CSMD2: variants seen among roughly 807,000 people sequenced by gnomAD.
The protein encoded by CSMD2 is CUB and sushi domain-containing protein 2.
Under a neutral mutation model 398.5 loss-of-function variants are expected in CSMD2, and 130 were observed. The observed-to-expected ratio is 0.33, with a 90% CI of 0.28 to 0.38. The LOEUF is 0.38. Among genes scored for constraint, CSMD2 ranks in the 10% least tolerant of loss-of-function variants. The probability of loss-of-function intolerance (pLI) is 1.00; values close to 1 mark genes in which losing one functional copy is unlikely to be tolerated. For synonymous variants in CSMD2, 1,828 were observed against 1,908.5 expected (o/e 0.96, Z 1.10); for missense variants, 3,829 against 4,764.9 (o/e 0.80, Z 5.78).
chr1:33,697,694 C>T (rs1337344223), intron 24 of CSMD2, among the ~76,000 whole-genome samples: 1 of 152,238 alleles, frequency 6.6e-6, no homozygotes, highest in African/African-American at 2.4e-5. Context: ...CCATGCAAAA[C>T]ATTCTCATAT....
chr1:34,120,692 C>T lies in CSMD2; in HGVS notation c.188-31499G>A, dbSNP rs190099262. Reference sequence around the variant, plus strand: ...CCCAAGTAGCTGGGATTACAGGTGCCTGCCACCATGCCCGGCTAATTTTTG... The same window carrying T: ...CCCAAGTAGCTGGGATTACAGGTGCTTGCCACCATGCCCGGCTAATTTTTG... On this transcript the variant is annotated intron_variant, in intron 1 of 70. Coordinates refer to ENST00000373381, the MANE Select transcript of CSMD2 (RefSeq NM_001281956.2). Among the ~76,000 whole-genome samples, 556 of 152,186 alleles carry T rather than the reference C, an allele frequency of 3.7e-3. 5 individuals are homozygous for T. Among genetic ancestry groups the T allele is most frequent in the African/African-American group, 0.013 (533 of 41,524 alleles).
Position 33,633,641 on chromosome 1 carries a change from T to A in CSMD2, c.5087-106A>T. The A allele has an allele frequency of 1.2e-6, 1 of 805,694 alleles. No homozygotes were observed. The highest frequency in any genetic ancestry group is 2.1e-6 in the Non-Finnish European group (1 of 483,276). The allele number at this position is 805,694 out of a possible 1,614,324, so 49.9% of individuals were successfully genotyped here. A position where few individuals can be genotyped will look rare whatever the true frequency, so the allele number is the denominator to read the frequency against. The stretch of plus-strand genomic sequence containing the variant: ...CAGGAGGAGGGCAGCCCTGGGGAAG[T>A]TGTTGGTTCCTGGGCTGTGGCTTGC... On this transcript the variant is annotated intron_variant, in intron 31 of 70. Transcript: ENST00000373381. The surrounding 1 kb of genome is among the most constrained non-coding windows in gnomAD (Gnocchi z 5.0).
intron 2 of CSMD2, among the ~76,000 whole-genome samples, chr1:34,059,597 T>C (rs765445126): frequency 3.9e-5 from 6 of 152,182 alleles, no homozygotes; most frequent in Admixed American, 1.3e-4. Flanking sequence ...CCCACTGTTT[T>C]TGCGATGCCT....
intron 2 of CSMD2, among the ~76,000 whole-genome samples, chr1:34,044,980 C>T (rs1652313357): frequency 6.6e-6 from 1 of 151,812 alleles, no homozygotes; most frequent in Non-Finnish European, 1.5e-5. Flanking sequence ...ACTATCATTA[C>T]AGGCATCATC....
At chr1:33,602,980 C>T (rs1376298477) in intron 42 of CSMD2, among the ~76,000 whole-genome samples, 1 of 152,162 alleles carries the variant, frequency 6.6e-6, no homozygotes, top group South Asian at 2.1e-4. Context: ...TAGAGTGGTA[C>T]TTGTGGTCTA....
At position 33,636,337 on chromosome 1, in the gene CSMD2, T is replaced by C; in HGVS notation, c.4969+23A>G. ...GCATGCCCTCAGTTCCTCAGACCCC[T>C]GCCATCCCCAGGCTTCCACCACCTG... On this transcript the variant is annotated intron_variant, in intron 30 of 70. Coordinates refer to ENST00000373381, the MANE Select transcript of CSMD2 (RefSeq NM_001281956.2). The surrounding 1 kb of genome is among the most constrained non-coding windows in gnomAD (Gnocchi z 4.8). 1 of 1,565,996 alleles carries C rather than the reference T, an allele frequency of 6.4e-7. No individual in the cohort carries two copies. Among genetic ancestry groups the C allele is most frequent in the Non-Finnish European group, 8.7e-7 (1 of 1,153,506 alleles).
intron 5 of CSMD2, among the ~76,000 whole-genome samples, chr1:33,906,997 G>A (rs1169610281): frequency 6.6e-6 from 1 of 151,972 alleles, no homozygotes; most frequent in Admixed American, 6.6e-5. Context: ...GACTGACAGT[G>A]TAAAGTAATG....
chr1:33,735,988 T>C (rs1040908406), intron 15 of CSMD2, among the ~76,000 whole-genome samples: 1 of 152,168 alleles, frequency 6.6e-6, no homozygotes, highest in African/African-American at 2.4e-5. Flanking sequence ...TCAGCCACCC[T>C]AAGTGGCATC....
intron 5 of CSMD2, chr1:33,885,353 G>A (rs557068678): frequency 1.3e-5 from 2 of 152,100 alleles, no homozygotes; most frequent in Non-Finnish European, 2.9e-5. Flanking sequence ...TTATGGAGGA[G>A]GCAATGCAAT....
At chr1:33,992,667 G>T (rs1185692641) in intron 3 of CSMD2, among the ~76,000 whole-genome samples, 2 of 151,470 alleles carry the variant, frequency 1.3e-5, no homozygotes, top group Non-Finnish European at 2.9e-5. Flanking sequence ...AGGAGATCGA[G>T]ACCATCCTGG....
At chr1:33,949,716 A>G (rs1644945304) in intron 3 of CSMD2, among the ~76,000 whole-genome samples, 1 of 152,114 alleles carries the variant, frequency 6.6e-6, no homozygotes. Context: ...AGAAGGAAGG[A>G]TGTTCCAGAG....
chr1:33,708,994 G>C, intron 22 of CSMD2, 95 bp downstream of exon 22: 1 of 1,163,690 alleles, frequency 8.6e-7, no homozygotes, highest in Non-Finnish European at 1.2e-6. Context: ...GAAGGAAGGA[G>C]AAAGTTTGGA....
In CSMD2 at chr1:33,995,258, C is replaced by T. The variant is rs540715854; in HGVS notation, c.517+37336G>A. Among the ~76,000 whole-genome samples, 14 of 152,270 alleles carry T rather than the reference C, an allele frequency of 9.2e-5. 1 individual carries two copies. Among genetic ancestry groups the T allele is most frequent in the South Asian group, 2.1e-4 (1 of 4,820 alleles). On this transcript the variant is annotated intron_variant, in intron 3 of 70. Coordinates refer to ENST00000373381, the MANE Select transcript of CSMD2 (RefSeq NM_001281956.2). ...CACACTTGGACGACTCTGCTGTCTT[C>T]GCTTCTCACAAAATGACAAGTCCCA...
At chr1:33,621,239 G>A (rs973733135) in intron 37 of CSMD2, among the ~76,000 whole-genome samples, 1 of 152,204 alleles carries the variant, frequency 6.6e-6, no homozygotes, top group African/African-American at 2.4e-5. Context: ...CAGGGGCCTT[G>A]TCTTATTGAC....
At chr1:33,788,319 C>T (rs1457035951) in intron 12 of CSMD2, among the ~76,000 whole-genome samples, 4 of 151,804 alleles carry the variant, frequency 2.6e-5, no homozygotes, top group African/African-American at 9.7e-5. Context: ...ATCAGCTTGG[C>T]CAACATGGTG....
rs143644112 is a variant in CSMD2, at chr1:33,787,415, G to A, written c.1663+1185C>T. 3.7e-3 allele frequency among the ~76,000 whole-genome samples: 567 copies of A among 152,248 alleles called. 3 individuals are homozygous for A. Among genetic ancestry groups the A allele is most frequent in the African/African-American group, 0.011 (457 of 41,546 alleles). ...CACACTGAAGGGACACCTTCTCCCC[G>A]CTCCCTGGGCCTGTCTCCCTAGTAG... On this transcript the variant is annotated intron_variant, in intron 12 of 70. Transcript: ENST00000373381.
Position 33,725,438 on chromosome 1 carries a change from T to C in CSMD2, c.2606A>G (p.Gln869Arg). Reference protein sequence around the residue: ...IGVYHGTQVPQFLISTSNYLY... With the variant: ...IGVYHGTQVPRFLISTSNYLY... ...GTAGTTGCTGGTGCTGATGAGGAACTGGGGAACCTGGGTCCCGTGGTAAAC... is the reference window on the plus strand; with the variant it reads ...GTAGTTGCTGGTGCTGATGAGGAACCGGGGAACCTGGGTCCCGTGGTAAAC... The change falls in exon 17 of 71, where the codon CAG (glutamine) becomes CGG (arginine). Residue 869 changes from glutamine to arginine, a missense_variant. This residue lies in a region of CSMD2 where 2,001 missense variants were observed against 2,567.1 expected (regional missense o/e 0.78). Transcript: ENST00000373381. The C allele has an allele frequency of 6.2e-7, 1 of 1,614,172 alleles. No individual in the cohort carries two copies. The highest frequency in any genetic ancestry group is 8.5e-7 in the Non-Finnish European group (1 of 1,180,000).
chr1:33,930,373 C>T lies in CSMD2; in HGVS notation c.712+5387G>A, dbSNP rs1570541504. ...AGTCTGACTCTATGCACTGTCCATACCCGACACCACTGCTTCTTTTTCACA... is the reference window on the plus strand; with the variant it reads ...AGTCTGACTCTATGCACTGTCCATATCCGACACCACTGCTTCTTTTTCACA... On this transcript the variant is annotated intron_variant, in intron 4 of 70. Coordinates refer to ENST00000373381, the MANE Select transcript of CSMD2 (RefSeq NM_001281956.2). Among the ~76,000 whole-genome samples, 7 of 152,344 alleles carry T rather than the reference C, an allele frequency of 4.6e-5. 1 individual carries two copies. In the South Asian group the frequency reaches 1.5e-3, roughly 32 times the overall value.
intron 25 of CSMD2, among the ~76,000 whole-genome samples, chr1:33,679,734 A>C (rs1644841260): frequency 2.6e-5 from 4 of 152,088 alleles, no homozygotes; most frequent in Admixed American, 1.3e-4. Flanking sequence ...ACTAAGAGAG[A>C]TGTGCTAAAG....
Sources: gnomAD v4.1 joint callset for allele counts (sites outside exome capture counted in the v4.1 genomes callset) on GRCh38, gnomAD v4.1.1 for gene constraint, gnomAD v4.1.1 regional missense constraint, Gnocchi (gnomAD v3.1) non-coding constraint, MANE v1.5 for transcripts, NCBI Gene and HGNC (gene_info 2026-07-23, HGNC 2026-07-21) for gene names.